Variants in ZFPM2 observed in about 807,000 individuals in gnomAD.
The protein encoded by ZFPM2 is zinc finger protein ZFPM2.
Under a neutral mutation model 98.6 loss-of-function variants are expected in ZFPM2, and 20 were observed. The observed-to-expected ratio is 0.20, with a 90% CI of 0.14 to 0.29. The LOEUF is 0.29. Among genes scored for constraint, ZFPM2 ranks in the 10% least tolerant of loss-of-function variants. The pLI is 1.00. For missense variants in ZFPM2, 1,310 were observed against 1,388.6 expected, an observed-to-expected ratio of 0.94 and a Z score of 0.90; for synonymous variants, 518 against 502.7, an observed-to-expected ratio of 1.03 and a Z score of -0.41.
chr8:105,561,538 A>G (rs1266031766), intron 4 of ZFPM2, 57 bp downstream of exon 4: 12 of 1,335,346 alleles, frequency 9.0e-6, no homozygotes, highest in African/African-American at 2.9e-5. Flanking sequence ...GTATTTTGCC[A>G]TAGCTCAGAA....
intron 5 of ZFPM2, among the ~76,000 whole-genome samples, chr8:105,764,682 T>C (rs1015000832): frequency 7.2e-5 from 11 of 151,830 alleles, no homozygotes; most frequent in African/African-American, 2.7e-4. Flanking sequence ...TTCATGATTT[T>C]TTTTTCTTTT....
In ZFPM2 at chr8:105,584,050, G is replaced by T. The variant is rs557309416; in HGVS notation, c.420+22569G>T. Among the ~76,000 whole-genome samples, 40 of 151,354 alleles carry T rather than the reference G, an allele frequency of 2.6e-4. No individual in the cohort carries two copies. The South Asian group carries it at 3.3e-3, about 13-fold the overall frequency. ...AAATGGTTTATCGTATTTTTCTTTG[G>T]TTTTTTTTGGTATTACATTTTTAAA... On this transcript the variant is annotated intron_variant, in intron 4 of 7. Coordinates refer to ENST00000407775, the MANE Select transcript of ZFPM2 (RefSeq NM_012082.4).
chr8:105,698,092 G>A (rs1811061017), intron 5 of ZFPM2, among the ~76,000 whole-genome samples: 1 of 151,980 alleles, frequency 6.6e-6, no homozygotes, highest in South Asian at 2.1e-4. Context: ...GCCTAATTTT[G>A]CTCTATGCAA....
rs1373711907 is a variant in ZFPM2, at chr8:105,725,088, A to G, written c.533-63630A>G. On this transcript the variant is annotated intron_variant, in intron 5 of 7. Transcript: ENST00000407775. The stretch of plus-strand genomic sequence containing the variant: ...CATCATTTTTCCTTGTTTTCCTTAA[A>G]AGTAACTTTACAGCTTTGCAGCTAT... 3.3e-5 allele frequency among the ~76,000 whole-genome samples: 5 copies of G among 151,842 alleles called. No homozygotes were observed. The East Asian group carries it at 9.7e-4, about 30-fold the overall frequency.
intron 3 of ZFPM2, among the ~76,000 whole-genome samples, chr8:105,517,177 G>T (rs1488375711): frequency 1.3e-5 from 2 of 152,156 alleles, no homozygotes; most frequent in African/African-American, 4.8e-5. Context: ...CGGAAGTAGG[G>T]TTTATAACTA....
At chr8:105,544,833 C>T (rs997099260) in intron 3 of ZFPM2, among the ~76,000 whole-genome samples, 2 of 152,122 alleles carry the variant, frequency 1.3e-5, no homozygotes, top group African/African-American at 4.8e-5. Flanking sequence ...GTGGTGAGAA[C>T]TAAATTCCAC....
intron 4 of ZFPM2, among the ~76,000 whole-genome samples, chr8:105,609,159 G>T (rs570240385): frequency 6.6e-6 from 1 of 152,066 alleles, no homozygotes; most frequent in African/African-American, 2.4e-5. Flanking sequence ...GGAGGGGAGC[G>T]AGGTTAATTG....
intron 5 of ZFPM2, among the ~76,000 whole-genome samples, chr8:105,719,751 C>T (rs755843307): frequency 6.6e-6 from 1 of 151,888 alleles, no homozygotes; most frequent in Non-Finnish European, 1.5e-5. Context: ...TTAGTCTTTA[C>T]ACCTTTCAAT....
chr8:105,523,210 A>AG (rs1814100132), intron 3 of ZFPM2, among the ~76,000 whole-genome samples: 1 of 152,208 alleles, frequency 6.6e-6, no homozygotes, highest in African/African-American at 2.4e-5. Context: ...TATTTCTGGA[A>AG]GAGGGGTATT....
At chr8:105,731,227 A>AT (rs908611397) in intron 5 of ZFPM2, among the ~76,000 whole-genome samples, 17 of 151,068 alleles carry the variant, frequency 1.1e-4, no homozygotes, top group East Asian at 9.9e-4. Context: ...CCTTTCCCTT[A>AT]TTTTTTTTCA....
At chr8:105,631,929 G>C (rs1433361701) in intron 4 of ZFPM2, among the ~76,000 whole-genome samples, 1 of 152,080 alleles carries the variant, frequency 6.6e-6, no homozygotes, top group Non-Finnish European at 1.5e-5. Flanking sequence ...TATGAAACAG[G>C]TTGATTAAAT....
chr8:105,572,860 C>T (rs1454697748), intron 4 of ZFPM2, among the ~76,000 whole-genome samples: 3 of 152,136 alleles, frequency 2.0e-5, no homozygotes, highest in African/African-American at 7.2e-5. Context: ...CTTCTTGATT[C>T]TAATAATTTC....
chr8:105,379,026 T>C (rs1040947414), intron 1 of ZFPM2, among the ~76,000 whole-genome samples: 7 of 152,108 alleles, frequency 4.6e-5, no homozygotes, highest in Admixed American at 4.6e-4. Flanking sequence ...ATAATTAACG[T>C]CTAGGACCTA....
At chr8:105,667,582 G>C (rs998410712) in intron 5 of ZFPM2, among the ~76,000 whole-genome samples, 1 of 152,154 alleles carries the variant, frequency 6.6e-6, no homozygotes, top group Non-Finnish European at 1.5e-5. Context: ...CAAATTATCT[G>C]AAGGGCTATT....
intron 5 of ZFPM2, among the ~76,000 whole-genome samples, chr8:105,713,653 G>C (rs986592039): frequency 6.6e-6 from 1 of 151,960 alleles, no homozygotes; most frequent in Middle Eastern, 3.2e-3. Flanking sequence ...TATGTGGTGA[G>C]AGGTAGGCAT....
At chr8:105,638,864 T>C (rs887642303) in intron 5 of ZFPM2, among the ~76,000 whole-genome samples, 7 of 152,104 alleles carry the variant, frequency 4.6e-5, no homozygotes, top group Non-Finnish European at 8.8e-5. Flanking sequence ...CATCTTGTTT[T>C]ATAAAAATTT....
chr8:105,781,006 T>TAAC (rs1398158902), intron 5 of ZFPM2, among the ~76,000 whole-genome samples: 1 of 152,258 alleles, frequency 6.6e-6, no homozygotes, highest in Non-Finnish European at 1.5e-5. Context: ...TCATAGAGCT[T>TAAC]AACTCTTTCT....
intron 1 of ZFPM2, among the ~76,000 whole-genome samples, chr8:105,355,534 G>A (rs1812725057): frequency 6.6e-6 from 1 of 152,118 alleles, no homozygotes; most frequent in Non-Finnish European, 1.5e-5. Context: ...CATTTACTGT[G>A]CCTTTTAACA....
chr8:105,419,206 A>C lies in ZFPM2; in HGVS notation c.103A>C (p.Ile35Leu). 13 of 1,613,718 alleles carry C rather than the reference A, an allele frequency of 8.1e-6. No individual in the cohort carries two copies. Among genetic ancestry groups the C allele is most frequent in the Non-Finnish European group, 1.1e-5 (13 of 1,179,712 alleles). Residue 35 changes from isoleucine to leucine, a missense_variant, in exon 2 of 8, where the codon ATC (isoleucine) becomes CTC (leucine). Physicochemically the swap from Ile to Leu is conservative, Grantham distance 5. Transcript: ENST00000407775. ...EECPSEETDIISKGDFPLEES... is the reference protein window; with the variant it reads ...EECPSEETDILSKGDFPLEES... ...ATGTCCATCAGAGGAAACAGACATCATCTCCAAAGGAGACTTTCCATTGGA... is the reference window on the plus strand; with the variant it reads ...ATGTCCATCAGAGGAAACAGACATCCTCTCCAAAGGAGACTTTCCATTGGA...
Sources: gnomAD v4.1 joint callset for allele counts (sites outside exome capture counted in the v4.1 genomes callset) on GRCh38, gnomAD v4.1.1 for gene constraint, MANE v1.5 for transcripts, NCBI Gene and HGNC (gene_info 2026-07-23, HGNC 2026-07-21) for gene names.